Variants in ADCY8 observed in about 807,000 individuals in gnomAD.
ADCY8 encodes adenylate cyclase 8.
A neutral mutation model predicts 119.7 loss-of-function variants in ADCY8; 51 were observed. The observed-to-expected ratio is 0.43, with a 90% CI of 0.34 to 0.54. The LOEUF (loss-of-function observed/expected upper bound fraction) is 0.54. Ranked by LOEUF, ADCY8 falls within the 20% of genes least tolerant of loss-of-function variation. The probability of loss-of-function intolerance (pLI) is 0.03; values close to 1 mark genes in which losing one functional copy is unlikely to be tolerated. For synonymous variants in ADCY8, 665 were observed against 651.0 expected (o/e 1.02, Z -0.33); for missense variants, 1,383 against 1,598.8 (o/e 0.87, Z 2.30).
At chr8:130,883,894 G>GC (rs1190808609) in intron 8 of ADCY8, among the ~76,000 whole-genome samples, 20 of 152,274 alleles carry the variant, frequency 1.3e-4, no homozygotes, top group African/African-American at 4.8e-4. Flanking sequence ...TCAAGGTGTT[G>GC]CCCTGAAGAC....
intron 2 of ADCY8, among the ~76,000 whole-genome samples, chr8:130,961,550 T>C (rs1821606945): frequency 1.3e-5 from 2 of 152,192 alleles, no homozygotes. Flanking sequence ...AGTTGCTTAA[T>C]GTTCTTTCCT....
rs549989508 is a variant in ADCY8, at chr8:130,907,366, G to A, written c.1640+2342C>T. Among the ~76,000 whole-genome samples the A allele has an allele frequency of 1.3e-3, 191 of 150,770 alleles. 1 individual carries two copies. The highest frequency in any genetic ancestry group is 3.4e-3 in the Middle Eastern group (1 of 294). On this transcript the variant is annotated intron_variant, in intron 6 of 17. Transcript: ENST00000286355. ...TTAAAGAAGAAGACAATAAAAAAGTGGAAAAATATATAACAATATCAAACC... is the reference window on the plus strand; with the variant it reads ...TTAAAGAAGAAGACAATAAAAAAGTAGAAAAATATATAACAATATCAAACC...
In ADCY8 at chr8:130,909,705, T is replaced by C. The variant is rs746097453; in HGVS notation, c.1640+3A>G. 2 of 1,614,118 alleles carry C rather than the reference T, an allele frequency of 1.2e-6. No homozygotes were observed. Among genetic ancestry groups the C allele is most frequent in the Admixed American group, 3.3e-5 (2 of 60,018 alleles). Reference sequence around the variant, plus strand: ...GCATGAAAAGGGCTTTGCTTTATCTTACCCAGGGATTCCTCCAGATTCGAG... The same window carrying C: ...GCATGAAAAGGGCTTTGCTTTATCTCACCCAGGGATTCCTCCAGATTCGAG... On this transcript the variant is annotated splice_donor_region_variant and intron_variant, in intron 6 of 17. Transcript: ENST00000286355.
At chr8:130,913,712 A>C (rs1434599532) in intron 5 of ADCY8, among the ~76,000 whole-genome samples, 6 of 152,212 alleles carry the variant, frequency 3.9e-5, no homozygotes, top group Non-Finnish European at 7.3e-5. Context: ...TGAATGAAAA[A>C]TAAATGTTTA....
intron 1 of ADCY8, among the ~76,000 whole-genome samples, chr8:131,015,652 T>G (rs896002268): frequency 6.6e-6 from 1 of 152,214 alleles, no homozygotes; most frequent in African/African-American, 2.4e-5. Flanking sequence ...CTAAAAATAG[T>G]AGTTAAATGT....
In ADCY8 at chr8:131,039,495, G is replaced by C; in HGVS notation, c.839C>G (p.Ala280Gly). Residue 280 changes from alanine (A) to glycine (G), a missense_variant, in exon 1 of 18, where the codon GCC (alanine) becomes GGC (glycine). Around this residue, in one of 2 missense-constraint regions of ADCY8, gnomAD observed 455 missense variants for 435.3 expected, o/e 1.05. Transcript: ENST00000286355. ...CGGCAGCGGCAGCATACTGTAGGTG[G>C]CGAAGAGCGTGAAGAGCACGTAGCC... is the stretch of plus-strand genomic sequence containing the variant. ...GIGYVLFTLF[A>G]TYSMLPLPLT... The C allele has an allele frequency of 6.2e-7, 1 of 1,614,068 alleles. No individual in the cohort carries two copies. The highest frequency in any genetic ancestry group is 1.1e-5 in the South Asian group (1 of 91,086).
At chr8:130,862,838 AC>A (rs1233568006) in intron 9 of ADCY8, among the ~76,000 whole-genome samples, 2 of 152,196 alleles carry the variant, frequency 1.3e-5, no homozygotes, top group African/African-American at 2.4e-5. Flanking sequence ...GTTTAACTCT[AC>A]TATGATCTGA....
chr8:130,903,280 C>G (rs893554483), intron 7 of ADCY8, among the ~76,000 whole-genome samples: 3 of 151,958 alleles, frequency 2.0e-5, no homozygotes, highest in African/African-American at 7.3e-5. Context: ...TCCTGAACTC[C>G]CTAACTCTAG....
At chr8:131,006,543 A>C (rs1176890659) in intron 1 of ADCY8, among the ~76,000 whole-genome samples, 2 of 152,166 alleles carry the variant, frequency 1.3e-5, no homozygotes, top group African/African-American at 2.4e-5. Flanking sequence ...ACTACCTAAA[A>C]AGTCTATCTA....
At chr8:130,992,202 C>T (rs1037148658) in intron 1 of ADCY8, among the ~76,000 whole-genome samples, 2 of 149,936 alleles carry the variant, frequency 1.3e-5, no homozygotes, top group Non-Finnish European at 3.0e-5. Context: ...GCCTCAGCCT[C>T]CTGAGTAGCT....
chr8:130,943,298 T>C (rs1821010908), intron 4 of ADCY8, 53 bp downstream of exon 4: 8 of 1,269,438 alleles, frequency 6.3e-6, no homozygotes, highest in African/African-American at 1.5e-5. Flanking sequence ...CCTTATTCCA[T>C]ATGCAGTCCC....
At chr8:131,015,706 A>T (rs1009613465) in intron 1 of ADCY8, among the ~76,000 whole-genome samples, 2 of 152,150 alleles carry the variant, frequency 1.3e-5, no homozygotes, top group South Asian at 4.1e-4. Context: ...TAAAAAAATT[A>T]TCTTATTTTT....
intron 9 of ADCY8, among the ~76,000 whole-genome samples, chr8:130,856,660 C>T (rs1047169000): frequency 6.6e-6 from 1 of 152,114 alleles, no homozygotes; most frequent in South Asian, 2.1e-4. Context: ...ACATAAATAT[C>T]GACATACATA....
intron 9 of ADCY8, among the ~76,000 whole-genome samples, chr8:130,859,999 C>A (rs949791608): frequency 3.3e-5 from 5 of 152,184 alleles, no homozygotes; most frequent in African/African-American, 1.2e-4. Flanking sequence ...AAAATGGAAT[C>A]TTACTTCATT....
intron 5 of ADCY8, among the ~76,000 whole-genome samples, chr8:130,929,035 G>T (rs541990061): frequency 7.9e-5 from 12 of 152,014 alleles, no homozygotes; most frequent in East Asian, 1.9e-4. Context: ...TGCATCAAAT[G>T]AATTTATTCA....
At chr8:130,782,073 A>G (rs1815098284) in intron 17 of ADCY8, among the ~76,000 whole-genome samples, 1 of 152,208 alleles carries the variant, frequency 6.6e-6, no homozygotes, top group Non-Finnish European at 1.5e-5. Context: ...ATGGAGAAAG[A>G]TGGAAGAGAG....
chr8:130,999,064 A>G (rs1822863694), intron 1 of ADCY8, among the ~76,000 whole-genome samples: 1 of 152,116 alleles, frequency 6.6e-6, no homozygotes, highest in South Asian at 2.1e-4. Flanking sequence ...TCCTTTTTAT[A>G]TGTCCATCAA....
At chr8:130,960,475 C>A (rs1462398549) in intron 2 of ADCY8, among the ~76,000 whole-genome samples, 1 of 113,924 alleles carries the variant, frequency 8.8e-6, no homozygotes, top group South Asian at 3.1e-4. Flanking sequence ...CATTATGAAG[C>A]AAATCCAGGT....
Position 130,990,376 on chromosome 8 carries a change from G to C in ADCY8, c.1110+17C>G. 1.9e-6 allele frequency: 3 copies of C among 1,613,526 alleles called. No homozygotes were observed. The highest frequency in any genetic ancestry group is 1.7e-5 in the Admixed American group (1 of 59,888). On this transcript the variant is annotated intron_variant, in intron 2 of 17. Transcript: ENST00000286355. ...GGCTAGGTGATAACTAAAACACACA[G>C]CCTTGTCAGTTGGTACCTGTCTTTG...
Sources: gnomAD v4.1 joint callset for allele counts (sites outside exome capture counted in the v4.1 genomes callset) on GRCh38, gnomAD v4.1.1 for gene constraint, gnomAD v4.1.1 regional missense constraint, MANE v1.5 for transcripts, NCBI Gene and HGNC (gene_info 2026-07-23, HGNC 2026-07-21) for gene names.